The following NKAIN3 variants were observed in gnomAD, a reference collection of about 807,000 sequenced individuals.
NKAIN3 encodes the protein sodium/potassium-transporting ATPase subunit beta-1-interacting protein 3.
A neutral mutation model predicts 30.2 loss-of-function variants in NKAIN3; 25 were observed. The ratio of observed to expected loss-of-function variants is 0.83; its 90% CI spans 0.60 to 1.16. The LOEUF (loss-of-function observed/expected upper bound fraction) is 1.16, where lower values mean the gene tolerates loss of function less well. Ranked by LOEUF, NKAIN3 falls within the 50% of genes most tolerant of loss-of-function variation. The pLI, the probability that NKAIN3 is intolerant of heterozygous loss-of-function variation, is 0.00. For missense variants in NKAIN3, 225 were observed against 254.1 expected, an observed-to-expected ratio of 0.89 and a Z score of 0.78; for synonymous variants, 91 against 89.6, an observed-to-expected ratio of 1.02 and a Z score of -0.09.
intron 1 of NKAIN3, among the ~76,000 whole-genome samples, chr8:62,575,838 C>T (rs955045943): frequency 6.6e-6 from 1 of 151,936 alleles, no homozygotes; most frequent in Non-Finnish European, 1.5e-5. Context: ...AATTTTTTGA[C>T]AAAGATGCTA....
intron 3 of NKAIN3, among the ~76,000 whole-genome samples, chr8:62,677,283 T>G (rs1387114724): frequency 1.3e-5 from 2 of 152,206 alleles, no homozygotes; most frequent in Non-Finnish European, 2.9e-5. Context: ...TGATTCACAG[T>G]AGATAATACC....
intron 3 of NKAIN3, among the ~76,000 whole-genome samples, chr8:62,597,717 C>T (rs1376125884): frequency 6.6e-6 from 1 of 151,964 alleles, no homozygotes; most frequent in African/African-American, 2.4e-5. Flanking sequence ...ATTTTCGGCA[C>T]ATACTACTTT....
At chr8:62,499,834 C>A (rs1807366077) in intron 1 of NKAIN3, among the ~76,000 whole-genome samples, 2 of 151,650 alleles carry the variant, frequency 1.3e-5, no homozygotes, top group South Asian at 4.2e-4. Flanking sequence ...TTCTTTCTTT[C>A]TTTCCTTCTT....
intron 1 of NKAIN3, among the ~76,000 whole-genome samples, chr8:62,369,578 C>G (rs1456147549): frequency 2.0e-5 from 3 of 151,976 alleles, no homozygotes; most frequent in Non-Finnish European, 4.4e-5. Flanking sequence ...TACTGACATT[C>G]CCTGAGAGAA....
At chr8:62,351,988 G>A (rs1263679004) in intron 1 of NKAIN3, among the ~76,000 whole-genome samples, 1 of 152,152 alleles carries the variant, frequency 6.6e-6, no homozygotes, top group African/African-American at 2.4e-5. Flanking sequence ...CCATGTGTAT[G>A]GATGAACACT....
intron 3 of NKAIN3, among the ~76,000 whole-genome samples, chr8:62,695,130 T>C (rs1226205876): frequency 6.6e-6 from 1 of 152,218 alleles, no homozygotes; most frequent in Admixed American, 6.5e-5. Context: ...CCTTGCCTTA[T>C]CATGGCACTT....
intron 4 of NKAIN3, among the ~76,000 whole-genome samples, chr8:62,755,932 G>T (rs986952009): frequency 2.6e-5 from 4 of 152,120 alleles, no homozygotes; most frequent in Non-Finnish European, 5.9e-5. Flanking sequence ...AAACATTTGT[G>T]TTCAGAAGCC....
At chr8:62,544,746 C>T (rs1486023993) in intron 1 of NKAIN3, among the ~76,000 whole-genome samples, 6 of 152,002 alleles carry the variant, frequency 3.9e-5, no homozygotes, top group Non-Finnish European at 8.8e-5. Flanking sequence ...CAACATGGGG[C>T]ACTGATTCCC....
chr8:62,255,929 C>G (rs1406383417), intron 1 of NKAIN3, among the ~76,000 whole-genome samples: 1 of 152,106 alleles, frequency 6.6e-6, no homozygotes, highest in Non-Finnish European at 1.5e-5. Context: ...TTGAAAGCTC[C>G]TTGCATGATT....
intron 1 of NKAIN3, among the ~76,000 whole-genome samples, chr8:62,355,557 A>G (rs538729578): frequency 1.2e-4 from 19 of 152,194 alleles, no homozygotes; most frequent in South Asian, 1.0e-3. Context: ...TGTTTTCTCA[A>G]TTTTTCTAAT....
intron 1 of NKAIN3, among the ~76,000 whole-genome samples, chr8:62,288,457 G>T (rs1813454623): frequency 6.6e-6 from 1 of 152,076 alleles, no homozygotes; most frequent in African/African-American, 2.4e-5. Context: ...TGTTCTCATT[G>T]TTCTATTCCC....
intron 1 of NKAIN3, among the ~76,000 whole-genome samples, chr8:62,551,418 G>A (rs1464391300): frequency 3.3e-5 from 5 of 152,116 alleles, no homozygotes; most frequent in Non-Finnish European, 5.9e-5. Context: ...GATGAGGAGG[G>A]AAATTCAAGG....
intron 3 of NKAIN3, among the ~76,000 whole-genome samples, chr8:62,640,770 T>A (rs1280177919): frequency 6.6e-6 from 1 of 152,002 alleles, no homozygotes; most frequent in African/African-American, 2.4e-5. Flanking sequence ...CAGAGGTGGG[T>A]CTAAATTCTC....
At chr8:62,613,446 T>C (rs1372252138) in intron 3 of NKAIN3, among the ~76,000 whole-genome samples, 4 of 152,138 alleles carry the variant, frequency 2.6e-5, no homozygotes, top group African/African-American at 9.6e-5. Flanking sequence ...GCTTTTATAA[T>C]CCTTTCTTTA....
At chr8:62,286,409 C>T (rs1220918506) in intron 1 of NKAIN3, among the ~76,000 whole-genome samples, 1 of 151,834 alleles carries the variant, frequency 6.6e-6, no homozygotes, top group Non-Finnish European at 1.5e-5. Flanking sequence ...ATGAACAGTG[C>T]TCATATGCCC....
intron 1 of NKAIN3, among the ~76,000 whole-genome samples, chr8:62,444,785 C>T (rs552267084): frequency 6.6e-6 from 1 of 152,136 alleles, no homozygotes; most frequent in Non-Finnish European, 1.5e-5. Context: ...AACCTCCATA[C>T]ACTTTTCCTT....
chr8:62,728,764 T>G (rs1586135761), intron 3 of NKAIN3, among the ~76,000 whole-genome samples: 1 of 150,844 alleles, frequency 6.6e-6, no homozygotes, highest in South Asian at 2.1e-4. Flanking sequence ...GCTGAGGCGG[T>G]CGGATCACGA....
At chr8:62,788,648 T>C (rs576670304) in intron 4 of NKAIN3, among the ~76,000 whole-genome samples, 245 of 152,270 alleles carry the variant, frequency 1.6e-3, no homozygotes, top group Admixed American at 4.6e-3. Context: ...GGTTTTCTTC[T>C]AGGGTTTTTA....
chr8:62,855,657 G>A, intron 4 of NKAIN3: 1 of 1,604,136 alleles, frequency 6.2e-7, no homozygotes, highest in South Asian at 1.1e-5. Context: ...TTCCTGAAGT[G>A]CTGCTGCAGC....
Sources: allele counts gnomAD v4.1 joint callset (sites outside exome capture counted in the v4.1 genomes callset), GRCh38; gene constraint gnomAD v4.1.1; transcripts MANE v1.5; gene names NCBI Gene and HGNC (gene_info 2026-07-23, HGNC 2026-07-21).